The following NUP58 variants were observed in gnomAD, a reference collection of about 807,000 sequenced individuals.
The protein encoded by NUP58 is nucleoporin p58/p45.
In NUP58, 17 loss-of-function variants were observed where a neutral mutation model predicts 70.1. The observed-to-expected ratio is 0.24, with a 90% CI of 0.17 to 0.36. The LOEUF is 0.36. Ranked by LOEUF, NUP58 falls within the 10% of genes least tolerant of loss-of-function variation. NUP58 has a pLI of 1.00. For synonymous variants in NUP58, 275 were observed against 257.6 expected (o/e 1.07, Z -0.65); for missense variants, 644 against 701.5 (o/e 0.92, Z 0.93).
chr13:25,316,108 A>T (rs968248199), intron 6 of NUP58, among the ~76,000 whole-genome samples: 2 of 152,258 alleles, frequency 1.3e-5, no homozygotes, highest in South Asian at 4.1e-4. Context: ...TGGCTTAAAG[A>T]GAGGGATATT....
intron 5 of NUP58, among the ~76,000 whole-genome samples, chr13:25,315,062 G>C (rs4638415): frequency 0.4 from 60,222 of 151,990 alleles, 13,969 homozygotes; most frequent in East Asian, 0.57. Context: ...AAAGCCCTCT[G>C]TAACAAAACC....
intron 10 of NUP58, 105 bp from the exon 11 acceptor site, chr13:25,326,811 G>T (rs977651725): frequency 1.8e-6 from 1 of 546,922 alleles, no homozygotes. Context: ...GGATAACCTT[G>T]ATACTTTTGA....
chr13:25,321,833 C>T (rs1566064454), intron 9 of NUP58, among the ~76,000 whole-genome samples: 1 of 152,160 alleles, frequency 6.6e-6, no homozygotes, highest in Non-Finnish European at 1.5e-5. Context: ...AGGAGAATCG[C>T]TTGAACCTGG....
At position 25,348,223 on chromosome 13, in the gene NUP58, T is replaced by C. The variant is rs147335575; in HGVS notation, n.322-1339T>C. 1.3e-3 allele frequency among the ~76,000 whole-genome samples: 192 copies of C among 152,350 alleles called. 2 individuals carry two copies. Among genetic ancestry groups the C allele is most frequent in the African/African-American group, 4.3e-3 (178 of 41,580 alleles). ...AAAAACTTGAGTATATGAGTCTACATTGTCAATTGTAAAATTTATAAAATC... is the reference window on the plus strand; with the variant it reads ...AAAAACTTGAGTATATGAGTCTACACTGTCAATTGTAAAATTTATAAAATC... On this transcript the variant is annotated intron_variant and non_coding_transcript_variant, in intron 3 of 3. Coordinates refer to the NUP58 transcript ENST00000477876.
chr13:25,327,177 A>G (rs1187814637), intron 11 of NUP58, 143 bp downstream of exon 11: 1 of 571,820 alleles, frequency 1.7e-6, no homozygotes, highest in African/African-American at 1.9e-5. Context: ...TTTATTCCCT[A>G]TAAATATAAT....
At chr13:25,311,397 C>T (rs1011840737) in intron 3 of NUP58, among the ~76,000 whole-genome samples, 2 of 152,000 alleles carry the variant, frequency 1.3e-5, no homozygotes, top group East Asian at 1.9e-4. Flanking sequence ...TTTTATGAGA[C>T]GGAGTTTTGG....
At chr13:25,333,676 T>A in intron 13 of NUP58, 1 of 985,418 alleles carries the variant, frequency 1.0e-6, no homozygotes, top group Non-Finnish European at 1.2e-6. Context: ...GATGTGAGAT[T>A]TCTGAGCTCT....
chr13:25,337,855 C>T lies in NUP58; in HGVS notation c.1535-781C>T, dbSNP rs139956920. On this transcript the variant is annotated intron_variant, in intron 14 of 15. Transcript: ENST00000381736. ...TTTCTTATTGTTACAGGCAATGATA[C>T]TGTCACACTCAGTATTTTAGATAAG... Among the ~76,000 whole-genome samples the T allele has an allele frequency of 1.7e-3, 261 of 152,204 alleles. 1 individual carries two copies. Among genetic ancestry groups the T allele is most frequent in the Non-Finnish European group, 3.0e-3 (201 of 67,974 alleles).
Position 25,324,397 on chromosome 13 carries a change from A to T in NUP58, c.952-592A>T, listed in dbSNP as rs7988843. 6.3e-3 allele frequency among the ~76,000 whole-genome samples: 959 copies of T among 152,352 alleles called. 17 individuals carry two copies. The highest frequency in any genetic ancestry group is 0.022 in the African/African-American group (913 of 41,582). On this transcript the variant is annotated intron_variant, in intron 9 of 15. Coordinates refer to ENST00000381736, the MANE Select transcript of NUP58 (RefSeq NM_014089.4). ...AAAAACATTGGCTGGAATTGTAGAA[A>T]GCAATATAAGAATGGTTGAGTGTGT...
intron 3 of NUP58, 39 bp downstream of exon 3, chr13:25,309,321 T>C: frequency 6.8e-7 from 1 of 1,466,914 alleles, no homozygotes; most frequent in Non-Finnish European, 9.5e-7. Flanking sequence ...TCTGTGGTCT[T>C]CTAATAATTT....
intron 3 of NUP58, chr13:25,310,126 T>G (rs1424879960): frequency 4.6e-6 from 1 of 215,180 alleles, no homozygotes; most frequent in African/African-American, 2.4e-5. Context: ...CACTGCAACC[T>G]CAAACTCTTG....
At chr13:25,346,675 G>C (rs181465305), downstream of NUP58, among the ~76,000 whole-genome samples, 3 of 149,696 alleles carry the variant, frequency 2.0e-5, no homozygotes, top group Non-Finnish European at 4.4e-5. Context: ...AGCAGAGATC[G>C]CACCATTGCA....
At chr13:25,342,987 CTG>C (rs1380327688), downstream of NUP58, among the ~76,000 whole-genome samples, 4 of 152,128 alleles carry the variant, frequency 2.6e-5, no homozygotes, top group African/African-American at 9.6e-5. Flanking sequence ...GTTTCAACTA[CTG>C]TGTGGTTTTT....
chr13:25,314,807 G>A (rs2030849724), intron 5 of NUP58, among the ~76,000 whole-genome samples: 2 of 152,156 alleles, frequency 1.3e-5, no homozygotes, highest in African/African-American at 4.8e-5. Flanking sequence ...ACCGTAGTCT[G>A]GTCCTTTTTA....
At chr13:25,311,668 CCTGT>C (rs998955397) in intron 3 of NUP58, among the ~76,000 whole-genome samples, 19 of 140,778 alleles carry the variant, frequency 1.3e-4, no homozygotes, top group Non-Finnish European at 9.1e-5. Context: ...AGCCACGGCA[CCTGT>C]CTTTTTTTTT....
At chr13:25,329,766 T>C (rs1159898540) in intron 12 of NUP58, among the ~76,000 whole-genome samples, 1 of 152,196 alleles carries the variant, frequency 6.6e-6, no homozygotes, top group Non-Finnish European at 1.5e-5. Flanking sequence ...TTTGGAAGTT[T>C]TAGCAATTTG....
At chr13:25,348,843 C>T (rs754733673) in intron 3 of NUP58, among the ~76,000 whole-genome samples, 1 of 152,128 alleles carries the variant, frequency 6.6e-6, no homozygotes, top group Non-Finnish European at 1.5e-5. Flanking sequence ...CATGTCAAGC[C>T]GATACTCATT....
chr13:25,324,198 A>G (rs1359370755), intron 9 of NUP58, among the ~76,000 whole-genome samples: 1 of 152,168 alleles, frequency 6.6e-6, no homozygotes, highest in East Asian at 1.9e-4. Flanking sequence ...AAGGATGTAG[A>G]AAAAACAGTC....
At chr13:25,303,324 T>A (rs1397229121) in intron 1 of NUP58, among the ~76,000 whole-genome samples, 4 of 152,214 alleles carry the variant, frequency 2.6e-5, no homozygotes, top group African/African-American at 9.6e-5. Flanking sequence ...CATCTTTTTA[T>A]TTTAGCTATG....
Sources: allele counts gnomAD v4.1 joint callset (sites outside exome capture counted in the v4.1 genomes callset), GRCh38; gene constraint gnomAD v4.1.1; transcripts MANE v1.5; gene names NCBI Gene and HGNC (gene_info 2026-07-23, HGNC 2026-07-21).